Variants in SIRT1 observed in about 807,000 individuals in gnomAD.
SIRT1 encodes NAD-dependent protein deacetylase sirtuin-1.
Under a neutral mutation model 67.9 loss-of-function variants are expected in SIRT1, and 24 were observed. The ratio of observed to expected loss-of-function variants is 0.35; its 90% CI spans 0.26 to 0.50. The LOEUF is 0.50. SIRT1 is among the 20% of genes least tolerant of loss of function. SIRT1 has a pLI of 0.98. For missense variants in SIRT1, 873 were observed against 937.2 expected (o/e 0.93, Z 0.89); for synonymous variants, 378 against 350.7 (o/e 1.08, Z -0.87).
chr10:67,904,128 T>A (rs1842785287), intron 4 of SIRT1, among the ~76,000 whole-genome samples: 2 of 86,710 alleles, frequency 2.3e-5, no homozygotes, highest in Admixed American at 2.2e-4. Context: ...TTTTTGTTTG[T>A]TTTTTTTTTT....
chr10:67,907,144 A>G (rs3818292), intron 5 of SIRT1, among the ~76,000 whole-genome samples: 11,478 of 152,284 alleles, frequency 0.075, 708 homozygotes, highest in East Asian at 0.3. Context: ...AACCTCAGAT[A>G]TTAATTTGCT....
chr10:67,887,328 ACTCGATGAAAATGATTG>A, intron 1 of SIRT1, 72 bp from the exon 2 acceptor site: 1 of 803,470 alleles, frequency 1.2e-6, no homozygotes, highest in East Asian at 2.5e-5. Context: ...TAAATGCTGT[ACTCGATGAAAATGATTG>A]CTCTATAACC....
Position 67,885,168 on chromosome 10 carries a change from C to T in SIRT1, c.430+17C>T. ...GGTACCGAGGTGCGCAGGGTGCGGG[C>T]GGCCGGAACTGCGCATCTCCTCCTC... On this transcript the variant is annotated intron_variant, in intron 1 of 8. Coordinates refer to ENST00000212015, the MANE Select transcript of SIRT1 (RefSeq NM_012238.5). The T allele has an allele frequency of 1.5e-6, 2 of 1,369,728 alleles. No homozygotes were observed. Among genetic ancestry groups the T allele is most frequent in the Non-Finnish European group, 1.9e-6 (2 of 1,053,630 alleles). 84.8% of individuals were successfully genotyped at this position (1,369,728 alleles called of 1,614,324 possible).
At chr10:67,895,089 C>T (rs1379022026) in intron 4 of SIRT1, among the ~76,000 whole-genome samples, 1 of 151,894 alleles carries the variant, frequency 6.6e-6, no homozygotes, top group Non-Finnish European at 1.5e-5. Context: ...ATTCTTTGTC[C>T]ATCCTTTAAT....
At chr10:67,885,419 C>G in intron 1 of SIRT1, 1 of 1,223,462 alleles carries the variant, frequency 8.2e-7, no homozygotes, top group East Asian at 3.2e-5. Context: ...CTCTCGCAGT[C>G]GCTTTAAAAT....
chr10:67,885,263 C>G, intron 1 of SIRT1, 112 bp downstream of exon 1: 1 of 1,247,010 alleles, frequency 8.0e-7, no homozygotes. Flanking sequence ...CCGCGGCGTT[C>G]CCCTCCCCAC....
intron 4 of SIRT1, among the ~76,000 whole-genome samples, chr10:67,896,882 T>G (rs1842667040): frequency 8.4e-6 from 1 of 119,674 alleles, no homozygotes; most frequent in African/African-American, 2.8e-5. Flanking sequence ...TCATTGAGGC[T>G]AACTGAGGTG....
Position 67,891,387 on chromosome 10 carries a change from C to G in SIRT1, c.790-15C>G. The G allele has an allele frequency of 6.2e-7, 1 of 1,611,724 alleles. No individual in the cohort carries two copies. Among genetic ancestry groups the G allele is most frequent in the South Asian group, 1.1e-5 (1 of 90,834 alleles). On this transcript the variant is annotated splice_polypyrimidine_tract_variant and intron_variant, in intron 3 of 8. Coordinates refer to ENST00000212015, the MANE Select transcript of SIRT1 (RefSeq NM_012238.5). ...AGAAGATTTAATTTTACAAATTATG[C>G]CATGCACATTTTAGGTGTCTGTTTC...
chr10:67,885,511 A>C, intron 1 of SIRT1: 1 of 763,530 alleles, frequency 1.3e-6, no homozygotes, highest in Non-Finnish European at 1.7e-6. Context: ...TTTTATTTTC[A>C]TTGCTTTTCT....
chr10:67,905,624 T>C (rs1842810253), intron 4 of SIRT1, among the ~76,000 whole-genome samples: 1 of 152,206 alleles, frequency 6.6e-6, no homozygotes, highest in Admixed American at 6.5e-5. Flanking sequence ...TATTAAACTT[T>C]TTTGTATAAT....
At position 67,890,794 on chromosome 10, in the gene SIRT1, G is replaced by C. The variant is rs1261585870; in HGVS notation, c.790-608G>C. Among the ~76,000 whole-genome samples the C allele has an allele frequency of 2.6e-5, 4 of 151,868 alleles. No homozygotes were observed. In the East Asian group the frequency reaches 7.7e-4, roughly 29 times the overall value. On this transcript the variant is annotated intron_variant, in intron 3 of 8. Coordinates refer to ENST00000212015, the MANE Select transcript of SIRT1 (RefSeq NM_012238.5). The stretch of plus-strand genomic sequence containing the variant: ...ACCTGTAATCCCAGCACTTTGGGAG[G>C]CTGAGGCCTGCGGATCACGAGGTTA...
At chr10:67,890,313 C>T (rs1010228621) in intron 3 of SIRT1, among the ~76,000 whole-genome samples, 1 of 151,560 alleles carries the variant, frequency 6.6e-6, no homozygotes, top group African/African-American at 2.4e-5. Context: ...CTTGGCCTCC[C>T]AAAGTGCCAG....
intron 4 of SIRT1, among the ~76,000 whole-genome samples, chr10:67,893,659 C>T (rs1842608694): frequency 6.6e-6 from 1 of 151,880 alleles, no homozygotes; most frequent in Non-Finnish European, 1.5e-5. Context: ...ATTCTCCTGC[C>T]TCAGCCTTCC....
intron 4 of SIRT1, among the ~76,000 whole-genome samples, chr10:67,901,661 A>G (rs1249396737): frequency 6.6e-6 from 1 of 152,262 alleles, no homozygotes; most frequent in East Asian, 1.9e-4. Context: ...TACGTGGTAC[A>G]TACTAAAATT....
In SIRT1 at chr10:67,912,927, G is replaced by T. The variant is rs533321736; in HGVS notation, c.1811G>T (p.Gly604Val). 4 of 1,614,036 alleles carry T rather than the reference G, an allele frequency of 2.5e-6. No homozygotes were observed. The highest frequency in any genetic ancestry group is 3.4e-6 in the Non-Finnish European group (4 of 1,180,030). ...GAAAATCCGGATTTGAAGAATGTTG[G>T]TTCTAGTACTGGGGAGAAAAATGAA... ...QMENPDLKNV[G>V]SSTGEKNERT... Residue 604 changes from glycine (G) to valine (V), a missense_variant, in exon 8 of 9, where the codon GGT becomes GTT. By Grantham distance (109) the Gly-to-Val change is moderately radical. Around this residue, in one of 3 missense-constraint regions of SIRT1, gnomAD observed 295 missense variants for 294.5 expected, o/e 1.00. Coordinates refer to ENST00000212015, the MANE Select transcript of SIRT1 (RefSeq NM_012238.5).
intron 4 of SIRT1, among the ~76,000 whole-genome samples, chr10:67,899,663 T>G (rs1419480753): frequency 6.6e-6 from 1 of 152,140 alleles, no homozygotes; most frequent in Non-Finnish European, 1.5e-5. Flanking sequence ...TATACCTTAT[T>G]TTTCAAAGAA....
chr10:67,912,892 T>C lies in SIRT1; in HGVS notation c.1776T>C (p.Ala592=), dbSNP rs1340869711. The stretch of plus-strand genomic sequence containing the variant: ...CTTCTAGGAATGTTGAAAGTATTGC[T>C]GAACAGATGGAAAATCCGGATTTGA... ...VQTSRNVESI[A]EQMENPDLKN... Residue 592 remains alanine (A), a synonymous_variant, in exon 8 of 9, where the codon GCT becomes GCC. Transcript: ENST00000212015. 1.9e-6 allele frequency: 3 copies of C among 1,614,106 alleles called. No individual in the cohort carries two copies. Among genetic ancestry groups the C allele is most frequent in the East Asian group, 2.2e-5 (1 of 44,866 alleles).
chr10:67,887,375 A>G (rs767214023), intron 1 of SIRT1, 42 bp from the exon 2 acceptor site: 2 of 1,235,382 alleles, frequency 1.6e-6, no homozygotes, highest in South Asian at 1.2e-5. Context: ...TTTTAGGTGC[A>G]TGTTGTTTTG....
intron 4 of SIRT1, among the ~76,000 whole-genome samples, chr10:67,895,608 G>A (rs1842641984): frequency 6.6e-6 from 1 of 151,318 alleles, no homozygotes; most frequent in Non-Finnish European, 1.5e-5. Context: ...ATGAAGCCAT[G>A]AAAAGGAAAT....
Sources: gnomAD v4.1 joint callset for allele counts (sites outside exome capture counted in the v4.1 genomes callset) on GRCh38, gnomAD v4.1.1 for gene constraint, gnomAD v4.1.1 regional missense constraint, MANE v1.5 for transcripts, NCBI Gene and HGNC (gene_info 2026-07-23, HGNC 2026-07-21) for gene names.